SLC38A11: variants seen among roughly 807,000 people sequenced by gnomAD.
SLC38A11 encodes solute carrier family 38 member 11.
Under a neutral mutation model 49.4 loss-of-function variants are expected in SLC38A11, and 51 were observed. The observed-to-expected ratio is 1.03, with a 90% CI of 0.83 to 1.30. SLC38A11 has a LOEUF of 1.30. Among genes scored for constraint, SLC38A11 ranks in the 50% most tolerant of loss-of-function variants. SLC38A11 has a pLI of 0.00. For missense variants in SLC38A11, 574 were observed against 556.2 expected (o/e 1.03, Z -0.32); for synonymous variants, 203 against 192.9 (o/e 1.05, Z -0.43).
At chr2:164,907,127 T>C (rs1457458571) in intron 11 of SLC38A11, among the ~76,000 whole-genome samples, 1 of 152,108 alleles carries the variant, frequency 6.6e-6, no homozygotes, top group Non-Finnish European at 1.5e-5. Flanking sequence ...GCAAATGACA[T>C]CATTATTCTA....
At chr2:164,910,054 T>C (rs1382389565) in intron 10 of SLC38A11, among the ~76,000 whole-genome samples, 1 of 152,102 alleles carries the variant, frequency 6.6e-6, no homozygotes, top group Non-Finnish European at 1.5e-5. Flanking sequence ...TTAGTGCTTT[T>C]ATGAATTGAA....
intron 7 of SLC38A11, among the ~76,000 whole-genome samples, chr2:164,934,854 A>G (rs1028464769): frequency 1.3e-5 from 2 of 152,190 alleles, no homozygotes; most frequent in African/African-American, 4.8e-5. Context: ...TTCAAAAACC[A>G]GAGCTGAATA....
chr2:164,953,538 C>T (rs1688659407), intron 2 of SLC38A11, among the ~76,000 whole-genome samples: 1 of 152,144 alleles, frequency 6.6e-6, no homozygotes, highest in African/African-American at 2.4e-5. Flanking sequence ...AGTACAGCTG[C>T]TCATACCTTC....
In SLC38A11 at chr2:164,915,651, A is replaced by G. The variant is rs1388233016; in HGVS notation, c.688+252T>C. The G allele has an allele frequency of 1.8e-5, 8 of 449,512 alleles. No homozygotes were observed. The East Asian group carries it at 2.4e-4, about 14-fold the overall frequency. The allele number at this position is 449,512 out of a possible 1,614,324, so 27.8% of individuals were successfully genotyped here. A position where few individuals can be genotyped will look rare whatever the true frequency, so the allele number is the denominator to read the frequency against. ...AGTCCATAACACTTGCTAGCCTTCC[A>G]AGTTAAGAAACAAGATGACTGTAAT... is the stretch of plus-strand genomic sequence containing the variant. On this transcript the variant is annotated intron_variant, in intron 8 of 11. Transcript: ENST00000685975.
intron 10 of SLC38A11, among the ~76,000 whole-genome samples, chr2:164,910,785 G>T (rs1685345257): frequency 6.6e-6 from 1 of 152,068 alleles, no homozygotes; most frequent in African/African-American, 2.4e-5. Flanking sequence ...TTTCAGTGTG[G>T]TCCCTGAAAG....
intron 3 of SLC38A11, among the ~76,000 whole-genome samples, chr2:164,948,751 G>A (rs1265510470): frequency 6.6e-6 from 1 of 152,096 alleles, no homozygotes; most frequent in Non-Finnish European, 1.5e-5. Flanking sequence ...CTTCCTATCT[G>A]CCTTTGCAAA....
At chr2:164,928,434 C>A (rs752371682) in intron 7 of SLC38A11, among the ~76,000 whole-genome samples, 7 of 152,168 alleles carry the variant, frequency 4.6e-5, no homozygotes, top group Non-Finnish European at 1.5e-5. Flanking sequence ...CACATAGATT[C>A]ATTCATGCAT....
At chr2:164,941,098 G>A (rs1199931113) in intron 5 of SLC38A11, among the ~76,000 whole-genome samples, 1 of 151,968 alleles carries the variant, frequency 6.6e-6, no homozygotes, top group Non-Finnish European at 1.5e-5. Flanking sequence ...CATAAAGGAT[G>A]TTTTTCACTA....
At chr2:164,915,081 A>T in intron 9 of SLC38A11, 31 bp downstream of exon 9, 1 of 1,580,100 alleles carries the variant, frequency 6.3e-7, no homozygotes, top group Non-Finnish European at 8.6e-7. Flanking sequence ...ACCAATGCAC[A>T]TGAACACTAT....
intron 3 of SLC38A11, among the ~76,000 whole-genome samples, chr2:164,949,478 G>C (rs528163052): frequency 6.6e-6 from 1 of 152,206 alleles, no homozygotes; most frequent in South Asian, 2.1e-4. Flanking sequence ...GGCTGGTCTC[G>C]AATTTCTGAC....
intron 3 of SLC38A11, 133 bp downstream of exon 3, chr2:164,952,574 T>G (rs1206376055): frequency 1.4e-6 from 1 of 703,780 alleles, no homozygotes; most frequent in Non-Finnish European, 2.5e-6. Context: ...AATGCTTAAA[T>G]TCTTTAGGAT....
intron 11 of SLC38A11, chr2:164,907,808 G>A (rs1685121338): frequency 6.6e-6 from 1 of 152,106 alleles, no homozygotes; most frequent in Non-Finnish European, 1.5e-5. Context: ...AAGCAGATAG[G>A]ACAAAGAATA....
At chr2:164,939,341 C>T in intron 6 of SLC38A11, 109 bp downstream of exon 6, 1 of 637,662 alleles carries the variant, frequency 1.6e-6, no homozygotes, top group Non-Finnish European at 2.6e-6. Flanking sequence ...ATTAAGTAAA[C>T]CAGAAGAAAC....
chr2:164,955,518 A>G lies in SLC38A11; in HGVS notation c.-271T>C. On this transcript the variant is annotated 5_prime_UTR_variant, in exon 1 of 12. Transcript: ENST00000685975. Reference sequence around the variant, plus strand: ...CCTCCGGAGACGGAGATGCTGCAGGATGTTTCTGATCCGGGCAGCCCTGTC... The same window carrying G: ...CCTCCGGAGACGGAGATGCTGCAGGGTGTTTCTGATCCGGGCAGCCCTGTC... 3.9e-6 allele frequency: 2 copies of G among 515,118 alleles called. No homozygotes were observed. Among genetic ancestry groups the G allele is most frequent in the Non-Finnish European group, 7.0e-6 (2 of 286,948 alleles). 31.9% of individuals were successfully genotyped at this position (515,118 alleles called of 1,614,324 possible). A position where few individuals can be genotyped will look rare whatever the true frequency, so the allele number is the denominator to read the frequency against.
chr2:164,915,935 T>C lies in SLC38A11; in HGVS notation c.656A>G (p.Asn219Ser), dbSNP rs1301349289. The change falls in exon 8 of 12, where the codon AAT (asparagine) becomes AGT (serine). Residue 219 changes from asparagine to serine, a missense_variant. Asn to Ser is a conservative substitution (Grantham distance 46). Transcript: ENST00000685975. The stretch of plus-strand genomic sequence containing the variant: ...CATAACCCCGACCGCTTGAATGGCA[T>C]TGGGCTTTGCAAATACCCAAGCGTC... Reference protein sequence around the residue: ...TEDAWVFAKPNAIQAVGVMSF... With the variant: ...TEDAWVFAKPSAIQAVGVMSF... The C allele has an allele frequency of 1.2e-6, 2 of 1,603,000 alleles. No individual in the cohort carries two copies. Among genetic ancestry groups the C allele is most frequent in the Non-Finnish European group, 1.7e-6 (2 of 1,171,990 alleles).
In SLC38A11 at chr2:164,939,549, A is replaced by G; in HGVS notation, c.438T>C (p.Pro146=). 1 of 1,602,822 alleles carries G rather than the reference A, an allele frequency of 6.2e-7. No homozygotes were observed. The highest frequency in any genetic ancestry group is 1.1e-5 in the South Asian group (1 of 90,568). Residue 146 remains proline (P), a synonymous_variant, in exon 6 of 12, where the codon CCT becomes CCC. Coordinates refer to ENST00000685975, the MANE Select transcript of SLC38A11 (RefSeq NM_001351537.2). ...KVFQRIPGVD[P]ENVFIGRHFI... is the part of the protein sequence containing the mutation. ...AGTGGCGACCAATAAACACGTTTTC[A>G]GGATCAACTAAAACACAATAAATAT... is the stretch of plus-strand genomic sequence containing the variant.
intron 7 of SLC38A11, among the ~76,000 whole-genome samples, chr2:164,920,612 T>A (rs1479016511): frequency 6.6e-6 from 1 of 152,042 alleles, no homozygotes; most frequent in Admixed American, 6.6e-5. Context: ...GTAGAAGATG[T>A]TGCAACCATG....
rs1445136933 is a variant in SLC38A11, at chr2:164,937,411, C to T, written c.556G>A (p.Gly186Ser). The T allele has an allele frequency of 6.2e-7, 1 of 1,609,970 alleles. No homozygotes were observed. The highest frequency in any genetic ancestry group is 1.7e-5 in the Admixed American group (1 of 59,928). Reference sequence around the variant, plus strand: ...ATTCCAAGAATCAGAGTTGTTAAACCTGTAGAGATGAGGGAGACCTGTAAA... The same window carrying T: ...ATTCCAAGAATCAGAGTTGTTAAACTTGTAGAGATGAGGGAGACCTGTAAA... ...KLGKVSLIST[G>S]LTTLILGIVM... is the part of the protein sequence containing the mutation. The change falls in exon 7 of 12, where the codon GGT (glycine) becomes AGT (serine). Residue 186 changes from glycine to serine, a missense_variant. Transcript: ENST00000685975.
chr2:164,911,616 T>A lies in SLC38A11; in HGVS notation c.963+20A>T, dbSNP rs368466758. On this transcript the variant is annotated intron_variant, in intron 10 of 11. Transcript: ENST00000685975. Reference sequence around the variant, plus strand: ...CAGAGAGATCACCTGGGTAAAGCGTTGGGAAGGAACCGCGCTTACCTCTCT... The same window carrying A: ...CAGAGAGATCACCTGGGTAAAGCGTAGGGAAGGAACCGCGCTTACCTCTCT... The A allele has an allele frequency of 7.6e-7, 1 of 1,324,418 alleles. No individual in the cohort carries two copies. Among genetic ancestry groups the A allele is most frequent in the Non-Finnish European group, 1.1e-6 (1 of 947,750 alleles). The allele number at this position is 1,324,418 out of a possible 1,614,324, so 82.0% of individuals were successfully genotyped here.
Sources: allele counts gnomAD v4.1 joint callset (sites outside exome capture counted in the v4.1 genomes callset), GRCh38; gene constraint gnomAD v4.1.1; transcripts MANE v1.5; gene names NCBI Gene and HGNC (gene_info 2026-07-23, HGNC 2026-07-21).